The following PTBP3 variants were observed in gnomAD, a reference collection of about 807,000 sequenced individuals.
PTBP3 encodes polypyrimidine tract-binding protein 3.
A neutral mutation model predicts 58.7 loss-of-function variants in PTBP3; 20 were observed. The observed-to-expected ratio is 0.34, with a 90% CI of 0.24 to 0.50. PTBP3 has a LOEUF of 0.50. Among genes scored for constraint, PTBP3 ranks in the 20% least tolerant of loss-of-function variants. PTBP3 has a pLI of 0.98. For synonymous variants in PTBP3, 185 were observed against 219.8 expected, an observed-to-expected ratio of 0.84 and a Z score of 1.40; for missense variants, 509 against 637.2, an observed-to-expected ratio of 0.80 and a Z score of 2.17.
At chr9:112,330,562 A>C (rs1830329215) in intron 1 of PTBP3, 1 of 806,708 alleles carries the variant, frequency 1.2e-6, no homozygotes. Flanking sequence ...TAAAGGGGAA[A>C]AAGCATTATA....
At chr9:112,277,122 A>G (rs1028891917) in intron 2 of PTBP3, among the ~76,000 whole-genome samples, 2 of 152,208 alleles carry the variant, frequency 1.3e-5, no homozygotes, top group African/African-American at 4.8e-5. Context: ...TATCTGTGGC[A>G]CAGAACTCAA....
the PTBP3 span, among the ~76,000 whole-genome samples, chr9:112,369,455 C>T: frequency 9.2e-5 from 14 of 152,194 alleles, no homozygotes; most frequent in South Asian, 2.1e-4. Context: ...GATTATTTTG[C>T]AGCTTTAAGA....
At chr9:112,379,519 G>A in the PTBP3 span, among the ~76,000 whole-genome samples, 2 of 152,202 alleles carry the variant, frequency 1.3e-5, no homozygotes, top group African/African-American at 4.8e-5. Context: ...AGAAGCTGGC[G>A]CCTTAACACA....
At chr9:112,230,107 T>C (rs1469984992) in intron 10 of PTBP3, among the ~76,000 whole-genome samples, 1 of 152,138 alleles carries the variant, frequency 6.6e-6, no homozygotes, top group South Asian at 2.1e-4. Context: ...AATCTTGAGT[T>C]GTAAACCCAA....
At chr9:112,299,841 C>T (rs920009620) in intron 1 of PTBP3, among the ~76,000 whole-genome samples, 4 of 152,120 alleles carry the variant, frequency 2.6e-5, no homozygotes, top group South Asian at 4.1e-4. Flanking sequence ...TTTCTCTTTC[C>T]CTCTGAAATA....
In PTBP3 at chr9:112,314,042, C is replaced by T. The variant is rs925478949; in HGVS notation, c.-51-16126G>A. 2.6e-5 allele frequency among the ~76,000 whole-genome samples: 4 copies of T among 152,184 alleles called. No homozygotes were observed. In the East Asian group the frequency reaches 7.7e-4, roughly 29 times the overall value. ...GGTTATGTGTAAGCACTGTATTAGG[C>T]ATTCTAAGTAATCTAGAGGTGATTT... On this transcript the variant is annotated intron_variant, in intron 1 of 13. Coordinates refer to ENST00000374257, the MANE Select transcript of PTBP3 (RefSeq NM_001163788.4).
chr9:112,321,850 C>T (rs1829963481), intron 1 of PTBP3, among the ~76,000 whole-genome samples: 1 of 152,054 alleles, frequency 6.6e-6, no homozygotes, highest in African/African-American at 2.4e-5. Context: ...ACACCAAGTT[C>T]TCAAGGTGAA....
Position 112,252,762 on chromosome 9 carries a change from C to T in PTBP3, c.543G>A (p.Leu181=), listed in dbSNP as rs1351144567. The T allele has an allele frequency of 6.2e-7, 1 of 1,609,278 alleles. No individual in the cohort carries two copies. Among genetic ancestry groups the T allele is most frequent in the Admixed American group, 1.7e-5 (1 of 59,824 alleles). ...TATTCTTTGTAAAGGTGATAATCTT[C>T]AAGACTGTGCCAAATTTAGAAAATA... ...HQIFSKFGTV[L]KIITFTKNNQ... The change falls in exon 6 of 14, where the codon TTG becomes TTA. Residue 181 remains leucine (L), a synonymous_variant. Coordinates refer to ENST00000374257, the MANE Select transcript of PTBP3 (RefSeq NM_001163788.4).
At chr9:112,265,451 G>A (rs1836762211) in intron 4 of PTBP3, among the ~76,000 whole-genome samples, 1 of 129,428 alleles carries the variant, frequency 7.7e-6, no homozygotes, top group Non-Finnish European at 1.6e-5. Context: ...TGGGGGATGG[G>A]AGCAGAGGTT....
intron 3 of PTBP3, among the ~76,000 whole-genome samples, chr9:112,271,539 G>GGT (rs1364371893): frequency 2.6e-5 from 4 of 152,096 alleles, no homozygotes. Context: ...TAGCCAATGT[G>GGT]GTGTAACCCC....
chr9:112,340,041 T>C, the PTBP3 span, among the ~76,000 whole-genome samples: 1 of 152,158 alleles, frequency 6.6e-6, no homozygotes, highest in Non-Finnish European at 1.5e-5. Context: ...CGTGGCTCAC[T>C]GCAGCCTCAA....
At chr9:112,332,247 C>A (rs1000031079) in intron 1 of PTBP3, among the ~76,000 whole-genome samples, 3 of 152,158 alleles carry the variant, frequency 2.0e-5, no homozygotes, top group African/African-American at 7.2e-5. Context: ...TGAATAAAAT[C>A]TAAAACTCCA....
chr9:112,310,535 T>C (rs562969321), intron 1 of PTBP3, among the ~76,000 whole-genome samples: 17 of 152,368 alleles, frequency 1.1e-4, no homozygotes, highest in African/African-American at 4.1e-4. Flanking sequence ...AAATATTTAC[T>C]GAGCCACCAG....
At chr9:112,243,241 T>C (rs1414807807) in intron 7 of PTBP3, among the ~76,000 whole-genome samples, 1 of 151,962 alleles carries the variant, frequency 6.6e-6, no homozygotes, top group Non-Finnish European at 1.5e-5. Flanking sequence ...AGAAAAAGAA[T>C]TAAAGTCCCA....
At chr9:112,350,037 G>GT in the PTBP3 span, among the ~76,000 whole-genome samples, 62 of 148,522 alleles carry the variant, frequency 4.2e-4, no homozygotes, top group Middle Eastern at 3.6e-3. Context: ...TCCTCAGATG[G>GT]TTTTTTTTTT....
chr9:112,358,133 C>A, the PTBP3 span, among the ~76,000 whole-genome samples: 3 of 152,024 alleles, frequency 2.0e-5, no homozygotes, highest in Non-Finnish European at 2.9e-5. Context: ...CGTGATGATA[C>A]CCTGTCTCTA....
intron 3 of PTBP3, among the ~76,000 whole-genome samples, chr9:112,270,235 T>G (rs1024013432): frequency 6.6e-6 from 1 of 152,064 alleles, no homozygotes; most frequent in Non-Finnish European, 1.5e-5. Flanking sequence ...ACCAAATCCT[T>G]CTCCGTACTC....
chr9:112,274,408 T>A lies in PTBP3; in HGVS notation c.204+1436A>T, dbSNP rs369629009. On this transcript the variant is annotated intron_variant, in intron 3 of 13. Transcript: ENST00000374257. ...CTACAAAATACCTAGGGCCTAGATT[T>A]GTTGTCCTCTTCTTTACAGTAATAA... 9.7e-4 allele frequency among the ~76,000 whole-genome samples: 148 copies of A among 152,338 alleles called. 1 individual carries two copies. Among genetic ancestry groups the A allele is most frequent in the African/African-American group, 3.3e-3 (136 of 41,570 alleles).
the PTBP3 span, among the ~76,000 whole-genome samples, chr9:112,345,082 G>A: frequency 3.9e-5 from 6 of 151,998 alleles, no homozygotes; most frequent in African/African-American, 1.5e-4. Context: ...GCGGTGAGCC[G>A]AGATGACACC....
Sources: allele counts gnomAD v4.1 joint callset (sites outside exome capture counted in the v4.1 genomes callset), GRCh38; gene constraint gnomAD v4.1.1; transcripts MANE v1.5; gene names NCBI Gene and HGNC (gene_info 2026-07-23, HGNC 2026-07-21).